The following SUFU variants were observed in gnomAD, a reference collection of about 807,000 sequenced individuals.
The protein encoded by SUFU is suppressor of fused homolog.
A neutral mutation model predicts 58.9 loss-of-function variants in SUFU; 7 were observed. The ratio of observed to expected loss-of-function variants is 0.12; its 90% CI spans 0.07 to 0.22. The LOEUF (loss-of-function observed/expected upper bound fraction) is 0.22. Among genes scored for constraint, SUFU ranks in the 10% least tolerant of loss-of-function variants. The pLI is 1.00. For missense variants in SUFU, 451 were observed against 641.3 expected, an observed-to-expected ratio of 0.70 and a Z score of 3.20; for synonymous variants, 232 against 254.8, an observed-to-expected ratio of 0.91 and a Z score of 0.85.
At chr10:102,527,249 A>T (rs932353806) in intron 2 of SUFU, among the ~76,000 whole-genome samples, 46 of 151,874 alleles carry the variant, frequency 3.0e-4, no homozygotes, top group African/African-American at 1.1e-3. Flanking sequence ...TGATCCGCCC[A>T]CCTTGGCCTC....
At chr10:102,569,292 T>C (rs1360163298) in intron 3 of SUFU, among the ~76,000 whole-genome samples, 1 of 152,116 alleles carries the variant, frequency 6.6e-6, no homozygotes. Flanking sequence ...CCTGTAGTCA[T>C]GGCCATTTGG....
chr10:102,620,969 A>G (rs927421344), intron 10 of SUFU, among the ~76,000 whole-genome samples: 1 of 152,152 alleles, frequency 6.6e-6, no homozygotes, highest in Non-Finnish European at 1.5e-5. Flanking sequence ...CAGCTCACCC[A>G]GGTTGCGCCC....
intron 3 of SUFU, among the ~76,000 whole-genome samples, chr10:102,563,703 A>G (rs2063061374): frequency 6.6e-6 from 1 of 152,070 alleles, no homozygotes; most frequent in African/African-American, 2.4e-5. Flanking sequence ...CTCAAAAAAC[A>G]AAAAAAGAAA....
At chr10:102,601,300 C>T (rs1444329378) in intron 8 of SUFU, among the ~76,000 whole-genome samples, 1 of 152,190 alleles carries the variant, frequency 6.6e-6, no homozygotes, top group Non-Finnish European at 1.5e-5. Context: ...CTCTGTGCTC[C>T]TAGATATACA....
At chr10:102,608,211 G>A (rs759134400) in intron 8 of SUFU, among the ~76,000 whole-genome samples, 2 of 148,388 alleles carry the variant, frequency 1.3e-5, no homozygotes, top group Non-Finnish European at 3.0e-5. Context: ...GCAACAGAGC[G>A]AGACTCTGTC....
intron 3 of SUFU, among the ~76,000 whole-genome samples, chr10:102,562,000 A>G (rs1320722415): frequency 6.6e-6 from 1 of 152,168 alleles, no homozygotes; most frequent in Non-Finnish European, 1.5e-5. Flanking sequence ...TGCACAGTTT[A>G]GAGTTCCAGG....
intron 3 of SUFU, among the ~76,000 whole-genome samples, chr10:102,591,799 C>T (rs964714723): frequency 6.6e-6 from 1 of 152,122 alleles, no homozygotes. Context: ...GACTTAGTAC[C>T]CTGTGGGGTT....
chr10:102,515,424 A>T (rs1004559808), intron 2 of SUFU, among the ~76,000 whole-genome samples: 7 of 148,464 alleles, frequency 4.7e-5, no homozygotes, highest in Non-Finnish European at 1.0e-4. Context: ...CAAGTGATTC[A>T]CCTGCCTCAG....
intron 2 of SUFU, among the ~76,000 whole-genome samples, chr10:102,541,866 GC>G (rs1422583484): frequency 7.2e-6 from 1 of 139,698 alleles, no homozygotes; most frequent in East Asian, 2.2e-4. Flanking sequence ...ACACCGCCAT[GC>G]CCGGCTAATT....
At chr10:102,524,260 C>G (rs7078679) in intron 2 of SUFU, among the ~76,000 whole-genome samples, 69,762 of 151,136 alleles carry the variant, frequency 0.46, 17,116 homozygotes, top group Middle Eastern at 0.61. Context: ...TCTGTCTTGC[C>G]TCCTAAAGTG....
At chr10:102,612,203 GTGTGTGCACGCGCA>G (rs1347384622) in intron 8 of SUFU, among the ~76,000 whole-genome samples, 30 of 117,338 alleles carry the variant, frequency 2.6e-4, no homozygotes, top group Middle Eastern at 4.0e-3. Flanking sequence ...GTGTGTGTGT[GTGTGTGCACGCGCA>G]TGTGTGTGTG....
chr10:102,600,279 C>A (rs1188145028), intron 8 of SUFU, among the ~76,000 whole-genome samples: 1 of 152,192 alleles, frequency 6.6e-6, no homozygotes, highest in Non-Finnish European at 1.5e-5. Flanking sequence ...AAGCAGGAAC[C>A]TTGCCTGCCA....
intron 10 of SUFU, among the ~76,000 whole-genome samples, chr10:102,620,080 T>TAGACCCAGGACATGACG (rs1792008948): frequency 6.6e-6 from 1 of 152,170 alleles, no homozygotes; most frequent in African/African-American, 2.4e-5. Flanking sequence ...TGAAATCCAA[T>TAGACCCAGGACATGACG]AGACCCAGGA....
intron 3 of SUFU, among the ~76,000 whole-genome samples, chr10:102,582,754 CGGGTAGCTGA>C (rs2063295902): frequency 6.6e-6 from 1 of 152,058 alleles, no homozygotes; most frequent in Non-Finnish European, 1.5e-5. Context: ...ACATAAAAGT[CGGGTAGCTGA>C]GGGAGGTTTC....
rs2063831630 is a variant in SUFU at position 102,630,869 on chromosome 10, G to A, written c.*714G>A. 4.2e-6 allele frequency: 1 copy of A among 235,882 alleles called. No individual in the cohort carries two copies. The highest frequency in any genetic ancestry group is 2.2e-5 in the African/African-American group (1 of 45,494). 14.6% of individuals were successfully genotyped at this position (235,882 alleles called of 1,614,324 possible). On this transcript the variant is annotated 3_prime_UTR_variant, in exon 12 of 12. Transcript: ENST00000369902. ...GAGCCCTGGAGGAGCCGGCTGCACAGAGAGGCTTTTCTTCCCAGCTGGGCC... is the reference window on the plus strand; with the variant it reads ...GAGCCCTGGAGGAGCCGGCTGCACAAAGAGGCTTTTCTTCCCAGCTGGGCC...
rs60728987 is a variant in SUFU, at chr10:102,567,445, C to T, written c.454+17339C>T. On this transcript the variant is annotated intron_variant, in intron 3 of 11. Coordinates refer to ENST00000369902, the MANE Select transcript of SUFU (RefSeq NM_016169.4). ...CTTGAGATTCCCTGGGAGTGGGTCT[C>T]CACCGCCAGGCCTGTCTTCTTGCCT... is the stretch of plus-strand genomic sequence containing the variant. Among the ~76,000 whole-genome samples, 1,341 of 152,230 alleles carry T rather than the reference C, an allele frequency of 8.8e-3. 25 individuals are homozygous for T. The highest frequency in any genetic ancestry group is 0.03 in the African/African-American group (1,235 of 41,542).
At chr10:102,546,184 G>A (rs992058877) in intron 2 of SUFU, among the ~76,000 whole-genome samples, 1 of 152,204 alleles carries the variant, frequency 6.6e-6, no homozygotes, top group Non-Finnish European at 1.5e-5. Flanking sequence ...ACAGCCATCA[G>A]GCAGACTTGC....
chr10:102,616,320 G>A (rs1428310926), intron 9 of SUFU, among the ~76,000 whole-genome samples: 3 of 152,242 alleles, frequency 2.0e-5, no homozygotes, highest in Non-Finnish European at 4.4e-5. Flanking sequence ...GTCACCAAGA[G>A]TAATTCTAAA....
chr10:102,619,177 C>T lies in SUFU; in HGVS notation c.1296+1749C>T. On this transcript the variant is annotated intron_variant, in intron 10 of 11. Transcript: ENST00000369902. The surrounding 1 kb of genome is among the most constrained non-coding windows in gnomAD (Gnocchi z 4.2). The stretch of plus-strand genomic sequence containing the variant: ...AGCAGCTCAAGAACCTTGGCCCCCA[C>T]AGGACTTCGCAGATGTCACATTGCC... 5 of 1,607,634 alleles carry T rather than the reference C, an allele frequency of 3.1e-6. No individual in the cohort carries two copies. The highest frequency in any genetic ancestry group is 4.2e-6 in the Non-Finnish European group (5 of 1,179,086).
Sources: allele counts gnomAD v4.1 joint callset (sites outside exome capture counted in the v4.1 genomes callset), GRCh38; gene constraint gnomAD v4.1.1; non-coding constraint Gnocchi (gnomAD v3.1); transcripts MANE v1.5; gene names NCBI Gene and HGNC (gene_info 2026-07-23, HGNC 2026-07-21).